MKKS: variants seen among roughly 807,000 people sequenced by gnomAD.
MKKS encodes molecular chaperone MKKS.
MKKS carries 29 observed loss-of-function variants against 33.2 expected under a neutral mutation model. The observed-to-expected ratio is 0.87, with a 90% CI of 0.65 to 1.19. The LOEUF is 1.19. MKKS is among the 50% of genes most tolerant of loss of function. MKKS has a pLI of 0.00. For missense variants in MKKS, 661 were observed against 662.3 expected (o/e 1.00, Z 0.02); for synonymous variants, 260 against 244.0 (o/e 1.07, Z -0.61).
At chr20:10,423,854 G>GA (rs1218381834) in intron 1 of MKKS, among the ~76,000 whole-genome samples, 4 of 152,190 alleles carry the variant, frequency 2.6e-5, no homozygotes, top group African/African-American at 9.7e-5. Context: ...AAACATCACT[G>GA]AGACTCAGTA....
rs186228847 is a variant in MKKS at position 10,424,521 on chromosome 20, C to T, written c.-648-3763G>A. 1.6e-3 allele frequency among the ~76,000 whole-genome samples: 241 copies of T among 152,162 alleles called. 1 individual carries two copies. The highest frequency in any genetic ancestry group is 0.014 in the Middle Eastern group (4 of 294). On this transcript the variant is annotated intron_variant, in intron 1 of 5. Coordinates refer to ENST00000347364, the MANE Select transcript of MKKS (RefSeq NM_170784.3). ...TATTCTATTGCCTGCATAACCTCTT[C>T]TCAGGGCAAGACACATTAGACCTTA...
At chr20:10,428,370 T>C (rs571858118) in intron 1 of MKKS, among the ~76,000 whole-genome samples, 75 of 152,346 alleles carry the variant, frequency 4.9e-4, no homozygotes, top group African/African-American at 1.6e-3. Context: ...TTTATGTTCC[T>C]GGTATGTTCT....
chr20:10,416,155 T>TTTG (rs112357218), intron 2 of MKKS, among the ~76,000 whole-genome samples: 21,836 of 152,052 alleles, frequency 0.14, 1,737 homozygotes, highest in East Asian at 0.24. Flanking sequence ...CAGATGGGTT[T>TTTG]TTGTTGTTGT....
At position 10,404,606 on chromosome 20, in the gene MKKS, T is replaced by C. The variant is rs1332290120; in HGVS notation, c.*641A>G. ...CATTACAATGTTGCTTTAGCCTTGG[T>C]TACTATATAAATCTACTTTTTCCCC... On this transcript the variant is annotated 3_prime_UTR_variant, in exon 6 of 6. Coordinates refer to ENST00000347364, the MANE Select transcript of MKKS (RefSeq NM_170784.3). 6.6e-6 allele frequency: 1 copy of C among 152,136 alleles called. No homozygotes were observed. The highest frequency in any genetic ancestry group is 1.5e-5 in the Non-Finnish European group (1 of 68,054). 9.4% of individuals were successfully genotyped at this position (152,136 alleles called of 1,614,324 possible).
In MKKS at chr20:10,413,330, G is replaced by A; in HGVS notation, c.185C>T (p.Ala62Val). 1 of 1,614,164 alleles carries A rather than the reference G, an allele frequency of 6.2e-7. No homozygotes were observed. Among genetic ancestry groups the A allele is most frequent in the Non-Finnish European group, 8.5e-7 (1 of 1,179,992 alleles). ...GYVCTTSQSS[A>V]LLSHLLVTHP... Reference sequence around the variant, plus strand: ...TGTGACCAAAAGGTGACTGAGCAGAGCTGAGGACTGTGAGGTTGTACACAC... The same window carrying A: ...TGTGACCAAAAGGTGACTGAGCAGAACTGAGGACTGTGAGGTTGTACACAC... The change falls in exon 3 of 6, where the codon GCT (alanine) becomes GTT (valine). Residue 62 changes from alanine to valine, a missense_variant. Coordinates refer to ENST00000347364, the MANE Select transcript of MKKS (RefSeq NM_170784.3).
chr20:10,411,754 C>T (rs1350905064), intron 3 of MKKS, among the ~76,000 whole-genome samples: 1 of 152,162 alleles, frequency 6.6e-6, no homozygotes, highest in African/African-American at 2.4e-5. Flanking sequence ...AAATGATCAT[C>T]TTTCTGATAG....
intron 1 of MKKS, among the ~76,000 whole-genome samples, chr20:10,421,880 C>T (rs1400573802): frequency 1.3e-5 from 2 of 151,968 alleles, no homozygotes; most frequent in Non-Finnish European, 2.9e-5. Context: ...TCTGGACAAC[C>T]TCTAAAGACT....
intron 1 of MKKS, among the ~76,000 whole-genome samples, chr20:10,427,035 C>CACACAGACACACAG (rs1182947383): frequency 1.8e-5 from 1 of 56,424 alleles, no homozygotes; most frequent in Non-Finnish European, 6.6e-5. Context: ...CACTGACACA[C>CACACAGACACACAG]ACACACACAC....
Position 10,403,266 on chromosome 20 carries a change from C to T in MKKS, c.*1981G>A, listed in dbSNP as rs2064820142. On this transcript the variant is annotated 3_prime_UTR_variant, in exon 6 of 6. Coordinates refer to ENST00000347364, the MANE Select transcript of MKKS (RefSeq NM_170784.3). ...CCAAATATCAGAAGTGATATCCTGT[C>T]CCTTCTGCTGTATTCTATTCATTAG... 6.6e-6 allele frequency: 1 copy of T among 152,170 alleles called. No individual in the cohort carries two copies. The highest frequency in any genetic ancestry group is 1.5e-5 in the Non-Finnish European group (1 of 68,046). 9.4% of individuals were successfully genotyped at this position (152,170 alleles called of 1,614,324 possible).
chr20:10,408,620 T>C lies in MKKS; in HGVS notation c.1161+8A>G. 1.9e-6 allele frequency: 3 copies of C among 1,613,802 alleles called. No homozygotes were observed. Among genetic ancestry groups the C allele is most frequent in the East Asian group, 2.2e-5 (1 of 44,860 alleles). ...CTCTGCATATGGAATTCAAAGTTCA[T>C]TACCTACCTTCAGCTCATCCCAGGC... On this transcript the variant is annotated splice_region_variant and intron_variant, in intron 4 of 5. Coordinates refer to ENST00000347364, the MANE Select transcript of MKKS (RefSeq NM_170784.3).
rs1356562464 is a variant in MKKS, at chr20:10,413,449, G to C, written c.66C>G (p.Val22=). 7 of 1,613,876 alleles carry C rather than the reference G, an allele frequency of 4.3e-6. No individual in the cohort carries two copies. In the South Asian group the frequency reaches 7.7e-5, roughly 18 times the overall value. The change falls in exon 3 of 6, where the codon GTC becomes GTG. Residue 22 remains valine (V), a synonymous_variant. Transcript: ENST00000347364. ...CKSEPLTTER[V]RTTLSVLKRI... is the part of the protein sequence containing the mutation. ...TTTTCAAGACAGAAAGTGTGGTCCT[G>C]ACTCTCTCAGTTGTCAGTGGTTCAC...
chr20:10,431,114 G>A (rs1372907479), intron 1 of MKKS, among the ~76,000 whole-genome samples: 2 of 152,000 alleles, frequency 1.3e-5, no homozygotes, highest in Admixed American at 1.3e-4. Context: ...CTCAATACAC[G>A]GCAGCCATTA....
chr20:10,416,314 T>C (rs1327045853), intron 2 of MKKS, among the ~76,000 whole-genome samples: 21 of 151,890 alleles, frequency 1.4e-4, no homozygotes, highest in Admixed American at 1.4e-3. Context: ...GCAAAAAGAA[T>C]GATTATAGGT....
chr20:10,408,832 T>A lies in MKKS; in HGVS notation c.986-29A>T, dbSNP rs764266. The A allele has an allele frequency of 0.13, 211,166 of 1,565,076 alleles. 17,203 individuals are homozygous for A. Among genetic ancestry groups the A allele is most frequent in the African/African-American group, 0.34 (24,870 of 74,018 alleles). On this transcript the variant is annotated intron_variant, in intron 3 of 5. Coordinates refer to ENST00000347364, the MANE Select transcript of MKKS (RefSeq NM_170784.3). ...TTTTTTAAAGATTAGAAAATACAAG[T>A]TGTATAAGCAAAAGTGGAGCAAACA...
intron 2 of MKKS, among the ~76,000 whole-genome samples, chr20:10,419,493 A>T (rs1428949015): frequency 6.6e-6 from 1 of 152,194 alleles, no homozygotes; most frequent in East Asian, 1.9e-4. Context: ...TCCCCCATTT[A>T]TCTATGAGGG....
At chr20:10,420,030 GA>G in intron 2 of MKKS, among the ~76,000 whole-genome samples, 3 of 152,070 alleles carry the variant, frequency 2.0e-5, no homozygotes, top group Admixed American at 1.3e-4. Flanking sequence ...AGAACTTTTT[GA>G]ATTTTGGAAT....
At chr20:10,416,392 A>T (rs1309014471) in intron 2 of MKKS, among the ~76,000 whole-genome samples, 1 of 152,184 alleles carries the variant, frequency 6.6e-6, no homozygotes, top group African/African-American at 2.4e-5. Flanking sequence ...GTTATTAAAG[A>T]CTACGTGGGT....
intron 1 of MKKS, among the ~76,000 whole-genome samples, chr20:10,431,230 A>G (rs1156313013): frequency 6.6e-6 from 1 of 152,168 alleles, no homozygotes; most frequent in Non-Finnish European, 1.5e-5. Flanking sequence ...GAATATTTTG[A>G]CTAAAATTGG....
rs1219922305 is a variant in MKKS at position 10,401,564 on chromosome 20, CATTGATTTT to C, written c.*3674_*3682del. 1.3e-5 allele frequency: 2 copies of C among 152,122 alleles called. No homozygotes were observed. Among genetic ancestry groups the C allele is most frequent in the African/African-American group, 4.8e-5 (2 of 41,424 alleles). The allele number at this position is 152,122 out of a possible 1,614,324, so 9.4% of individuals were successfully genotyped here. The stretch of plus-strand genomic sequence containing the variant: ...TAATTGTATGTTTTGTCAAGGCCTG[CATTGATTTT>C]TTACATGATAATTTTAAATAACCTG... On this transcript the variant is annotated 3_prime_UTR_variant, in exon 6 of 6. Transcript: ENST00000347364.
Sources: allele counts gnomAD v4.1 joint callset (sites outside exome capture counted in the v4.1 genomes callset), GRCh38; gene constraint gnomAD v4.1.1; transcripts MANE v1.5; gene names NCBI Gene and HGNC (gene_info 2026-07-23, HGNC 2026-07-21).